Variants in REEP5 observed in about 807,000 individuals in gnomAD.
REEP5 encodes receptor expression-enhancing protein 5.
REEP5 carries 24 observed loss-of-function variants against 22.4 expected under a neutral mutation model. The ratio of observed to expected loss-of-function variants is 1.07; its 90% CI spans 0.78 to 1.51. The LOEUF is 1.51. REEP5 is among the 40% of genes most tolerant of loss of function. The pLI is 0.00. For missense variants in REEP5, 252 were observed against 233.0 expected (o/e 1.08, Z -0.53); for synonymous variants, 103 against 88.6 (o/e 1.16, Z -0.92).
In REEP5 at chr5:112,878,757, G is replaced by A. The variant is rs1166058789; in HGVS notation, c.*29C>T. 1.2e-6 allele frequency: 2 copies of A among 1,613,746 alleles called. No individual in the cohort carries two copies. The highest frequency in any genetic ancestry group is 2.7e-5 in the African/African-American group (2 of 74,890). ...TCAAGCTCCAGTAGGAAGGTACAGA[G>A]AGGGCAGGAAGTTTCCATCCAGTCT... On this transcript the variant is annotated 3_prime_UTR_variant, in exon 5 of 5. Transcript: ENST00000379638.
At chr5:112,889,999 G>A (rs141356481) in intron 3 of REEP5, among the ~76,000 whole-genome samples, 1,830 of 150,376 alleles carry the variant, frequency 0.012, 48 homozygotes, top group Middle Eastern at 0.041. Flanking sequence ...GCTAATTTTT[G>A]TATTTTTAGT....
At chr5:112,920,661 CAA>C in intron 2 of REEP5, among the ~76,000 whole-genome samples, 1 of 152,010 alleles carries the variant, frequency 6.6e-6, no homozygotes, top group Non-Finnish European at 1.5e-5. Context: ...AAGCATTTCC[CAA>C]GTTTGTCTGT....
chr5:112,892,169 G>C lies in REEP5; in HGVS notation c.352-4986C>G, dbSNP rs371589323. The C allele has an allele frequency of 9.9e-6, 16 of 1,614,162 alleles. 1 individual carries two copies. In the South Asian group the frequency reaches 1.8e-4, roughly 18 times the overall value. ...GTAATGGAGAAGGATCGAGCTAATT[G>C]TCCCTTCTACAGTAAAACAGGAGCT... On this transcript the variant is annotated intron_variant, in intron 3 of 4. Transcript: ENST00000379638.
At chr5:112,908,757 T>A (rs1342757716) in intron 2 of REEP5, among the ~76,000 whole-genome samples, 2 of 151,848 alleles carry the variant, frequency 1.3e-5, no homozygotes, top group African/African-American at 4.8e-5. Flanking sequence ...GGGTTTCACC[T>A]TGTTAGCCAG....
chr5:112,892,393 T>G, intron 3 of REEP5: 16 of 1,613,854 alleles, frequency 9.9e-6, no homozygotes, highest in Non-Finnish European at 1.2e-5. Context: ...GTTGCCCGAG[T>G]TCAAGAACGT....
chr5:112,893,954 C>G (rs1363797156), intron 3 of REEP5: 2 of 152,130 alleles, frequency 1.3e-5, no homozygotes, highest in Non-Finnish European at 2.9e-5. Context: ...TTTTGAGATA[C>G]GCATTTGCAT....
intron 3 of REEP5, chr5:112,892,756 G>T: frequency 6.2e-7 from 1 of 1,613,894 alleles, no homozygotes. Flanking sequence ...GGAGAAGATG[G>T]GCCACCACGA....
At chr5:112,905,009 G>A (rs1768924031) in intron 2 of REEP5, among the ~76,000 whole-genome samples, 1 of 152,164 alleles carries the variant, frequency 6.6e-6, no homozygotes, top group Non-Finnish European at 1.5e-5. Context: ...AAAGGCCAAT[G>A]AGTCTATTAA....
intron 4 of REEP5, among the ~76,000 whole-genome samples, chr5:112,881,519 A>G (rs1156848269): frequency 1.3e-5 from 2 of 152,178 alleles, no homozygotes; most frequent in African/African-American, 4.8e-5. Flanking sequence ...CTCTTAGAGA[A>G]AGCTGGCTGT....
At chr5:112,885,828 C>T (rs1768226227) in intron 4 of REEP5, 1 of 202,770 alleles carries the variant, frequency 4.9e-6, no homozygotes, top group Non-Finnish European at 1.1e-5. Context: ...ATCAAGGAAG[C>T]ACCTCTCAGC....
At chr5:112,895,237 C>CAAGAAAA (rs1768644555) in intron 3 of REEP5, 1 of 62,216 alleles carries the variant, frequency 1.6e-5, no homozygotes, top group Non-Finnish European at 2.7e-5. Flanking sequence ...GACTCTGTCT[C>CAAGAAAA]AAAAAAAAAA....
chr5:112,898,470 C>T (rs1257559450), intron 3 of REEP5: 5 of 152,176 alleles, frequency 3.3e-5, no homozygotes, highest in African/African-American at 1.2e-4. Context: ...AACTTCAAAA[C>T]CAAATATAAA....
intron 3 of REEP5, chr5:112,893,364 C>T (rs1209248601): frequency 4.7e-6 from 1 of 211,502 alleles, no homozygotes; most frequent in Non-Finnish European, 9.6e-6. Flanking sequence ...GAGTCGACAT[C>T]ATGCCACTTC....
In REEP5 at chr5:112,878,784, G is replaced by C. The variant is rs1440520020; in HGVS notation, c.*2C>G. The C allele has an allele frequency of 9.9e-6, 16 of 1,614,022 alleles. No homozygotes were observed. Among genetic ancestry groups the C allele is most frequent in the African/African-American group, 1.3e-5 (1 of 74,908 alleles). ...GGGCAGGAAGTTTCCATCCAGTCTGGTTTAGGTGCTCTTCTTTTCTTCACC... is the reference window on the plus strand; with the variant it reads ...GGGCAGGAAGTTTCCATCCAGTCTGCTTTAGGTGCTCTTCTTTTCTTCACC... On this transcript the variant is annotated 3_prime_UTR_variant, in exon 5 of 5. Transcript: ENST00000379638.
At chr5:112,894,906 C>T (rs1167067353) in intron 3 of REEP5, 3 of 152,048 alleles carry the variant, frequency 2.0e-5, no homozygotes, top group African/African-American at 7.2e-5. Flanking sequence ...AAAACCAGAG[C>T]ATTAAGGTGA....
rs779839674 is a variant in REEP5, at chr5:112,902,504, T to A, written c.227A>T (p.Glu76Val). 130 of 1,593,152 alleles carry A rather than the reference T, an allele frequency of 8.2e-5. 1 individual carries two copies. In the East Asian group the frequency reaches 2.7e-3, roughly 34 times the overall value. ...YPAYISIKAI[E>V]SPNKEDDTQW... Reference sequence around the variant, plus strand: ...GGTATCATCTTCTTTGTTGGGACTCTCTATAGCTTTAATTCTGAAAGGCAG... The same window carrying A: ...GGTATCATCTTCTTTGTTGGGACTCACTATAGCTTTAATTCTGAAAGGCAG... Residue 76 changes from glutamate to valine, a missense_variant, in exon 3 of 5, where the codon GAG (glutamate) becomes GTG (valine). Physicochemically the swap from Glu to Val is moderately radical, Grantham distance 121 (BLOSUM62 -2). Coordinates refer to ENST00000379638, the MANE Select transcript of REEP5 (RefSeq NM_005669.5).
intron 4 of REEP5, among the ~76,000 whole-genome samples, chr5:112,879,494 G>A (rs1768003889): frequency 6.6e-6 from 1 of 152,042 alleles, no homozygotes; most frequent in African/African-American, 2.4e-5. Flanking sequence ...TATTTTTTGA[G>A]ACGGAGTCTC....
intron 2 of REEP5, among the ~76,000 whole-genome samples, chr5:112,917,201 G>C (rs973402028): frequency 2.0e-5 from 3 of 152,206 alleles, no homozygotes; most frequent in African/African-American, 7.2e-5. Flanking sequence ...ACAGATGTGG[G>C]CCATCATGCC....
intron 2 of REEP5, among the ~76,000 whole-genome samples, chr5:112,916,767 A>T (rs1347626563): frequency 6.6e-6 from 1 of 152,166 alleles, no homozygotes; most frequent in Admixed American, 6.5e-5. Context: ...TTTGGATTTA[A>T]ATACCAGTTT....
Sources: gnomAD v4.1 joint callset for allele counts (sites outside exome capture counted in the v4.1 genomes callset) on GRCh38, gnomAD v4.1.1 for gene constraint, MANE v1.5 for transcripts, NCBI Gene and HGNC (gene_info 2026-07-23, HGNC 2026-07-21) for gene names.